RPRD1A: variants seen among roughly 807,000 people sequenced by gnomAD.
The protein encoded by RPRD1A is regulation of nuclear pre-mRNA domain containing 1A, also known as regulation of nuclear pre-mRNA domain-containing protein 1A.
RPRD1A carries 9 observed loss-of-function variants against 37.8 expected under a neutral mutation model. The observed-to-expected ratio is 0.24, with a 90% CI of 0.14 to 0.42. RPRD1A has a LOEUF of 0.42. Among genes scored for constraint, RPRD1A ranks in the 10% least tolerant of loss-of-function variants. The pLI is 1.00. For missense variants in RPRD1A, 255 were observed against 371.0 expected, an observed-to-expected ratio of 0.69 and a Z score of 2.57; for synonymous variants, 138 against 139.7, an observed-to-expected ratio of 0.99 and a Z score of 0.08.
chr18:36,052,067 A>T (rs2144382571), intron 1 of RPRD1A, among the ~76,000 whole-genome samples: 1 of 152,214 alleles, frequency 6.6e-6, no homozygotes, highest in African/African-American at 2.4e-5. Context: ...TCTTGAAAGC[A>T]GCAAGGAGTC....
intron 1 of RPRD1A, among the ~76,000 whole-genome samples, chr18:36,065,244 A>G (rs2089005377): frequency 6.6e-6 from 1 of 152,234 alleles, no homozygotes; most frequent in Admixed American, 6.5e-5. Context: ...AGGTATCTAT[A>G]AACAAAAGAA....
intron 1 of RPRD1A, among the ~76,000 whole-genome samples, chr18:36,058,367 T>C (rs1913938836): frequency 6.6e-6 from 1 of 152,136 alleles, no homozygotes; most frequent in African/African-American, 2.4e-5. Flanking sequence ...CAGAAGAAAC[T>C]TCTACTTGTA....
intron 6 of RPRD1A, among the ~76,000 whole-genome samples, chr18:36,014,853 CATTA>C (rs1481379049): frequency 2.6e-5 from 4 of 152,210 alleles, no homozygotes; most frequent in African/African-American, 9.6e-5. Context: ...TGTTCAATAT[CATTA>C]ATTATTAGGG....
At chr18:36,050,913 AT>A (rs35470275) in intron 1 of RPRD1A, among the ~76,000 whole-genome samples, 21,206 of 138,584 alleles carry the variant, frequency 0.15, 1,599 homozygotes, top group African/African-American at 0.17. Flanking sequence ...GGTAAAACTG[AT>A]TTTTTTTTTT....
intron 1 of RPRD1A, among the ~76,000 whole-genome samples, chr18:36,040,215 G>A (rs1366943579): frequency 6.6e-6 from 1 of 152,118 alleles, no homozygotes; most frequent in African/African-American, 2.4e-5. Context: ...AATTATAAAT[G>A]ATTAAGATCT....
intron 6 of RPRD1A, among the ~76,000 whole-genome samples, chr18:36,022,495 C>T (rs1911060704): frequency 1.3e-5 from 2 of 152,188 alleles, no homozygotes; most frequent in South Asian, 2.1e-4. Flanking sequence ...AAGTAGCTGA[C>T]GACTTTAAGT....
intron 6 of RPRD1A, among the ~76,000 whole-genome samples, chr18:36,015,129 CAT>C (rs1243038502): frequency 1.6e-5 from 2 of 126,860 alleles, no homozygotes; most frequent in East Asian, 4.6e-4. Context: ...TAGGGTCTCA[CAT>C]ACACACACAC....
chr18:36,063,205 G>C (rs537010850), intron 1 of RPRD1A: 1 of 152,188 alleles, frequency 6.6e-6, no homozygotes, highest in Admixed American at 6.5e-5. Flanking sequence ...TGTTTTCTGA[G>C]ACAGGGCCTT....
At chr18:36,008,100 A>G (rs1909867222) in intron 6 of RPRD1A, among the ~76,000 whole-genome samples, 1 of 152,076 alleles carries the variant, frequency 6.6e-6, no homozygotes, top group Non-Finnish European at 1.5e-5. Context: ...AAAACAAAAA[A>G]TAACCTAAAC....
At chr18:36,044,948 A>T (rs1040383417) in intron 1 of RPRD1A, among the ~76,000 whole-genome samples, 5 of 151,848 alleles carry the variant, frequency 3.3e-5, no homozygotes, top group Admixed American at 1.3e-4. Flanking sequence ...GATAACTTTT[A>T]AAAAAAATAG....
intron 4 of RPRD1A, among the ~76,000 whole-genome samples, chr18:36,029,210 T>C (rs1178557307): frequency 6.6e-6 from 1 of 152,192 alleles, no homozygotes; most frequent in Non-Finnish European, 1.5e-5. Context: ...TCCTTCTGCT[T>C]CTCCAGTACT....
intron 6 of RPRD1A, among the ~76,000 whole-genome samples, chr18:36,018,669 T>C (rs1020823767): frequency 7.2e-5 from 11 of 152,212 alleles, no homozygotes; most frequent in Non-Finnish European, 1.5e-4. Flanking sequence ...GGCATGGTAA[T>C]AAATATGAAA....
At chr18:36,065,304 G>A (rs2089007108) in intron 1 of RPRD1A, among the ~76,000 whole-genome samples, 3 of 152,142 alleles carry the variant, frequency 2.0e-5, no homozygotes, top group Admixed American at 1.3e-4. Context: ...TTATTCGTCT[G>A]TACCTTGTTT....
chr18:36,035,593 A>C (rs1421945781), intron 1 of RPRD1A, among the ~76,000 whole-genome samples: 1 of 152,272 alleles, frequency 6.6e-6, no homozygotes, highest in Non-Finnish European at 1.5e-5. Context: ...ACTGAAAAGA[A>C]GAAAAAGATA....
intron 1 of RPRD1A, among the ~76,000 whole-genome samples, chr18:36,057,251 T>C (rs1913854036): frequency 6.7e-6 from 1 of 150,316 alleles, no homozygotes; most frequent in African/African-American, 2.4e-5. Context: ...AACATATATA[T>C]ATATCACACA....
intron 1 of RPRD1A, among the ~76,000 whole-genome samples, chr18:36,055,059 T>C (rs1176010792): frequency 6.6e-6 from 1 of 152,212 alleles, no homozygotes; most frequent in East Asian, 1.9e-4. Flanking sequence ...TATCCAGAAA[T>C]GGCTGGCTGA....
chr18:36,057,127 G>T (rs1334143571), intron 1 of RPRD1A, among the ~76,000 whole-genome samples: 1 of 150,758 alleles, frequency 6.6e-6, no homozygotes, highest in Admixed American at 6.6e-5. Flanking sequence ...CTACTCAGGA[G>T]GATTGATTGA....
Position 36,067,322 on chromosome 18 carries a change from A to T in RPRD1A, c.83T>A (p.Leu28Gln), listed in dbSNP as rs759516825. ...GTGTTTACGGTGGTGAATGAGCCAC[A>T]GGGACAAGGTCTGCACGCTCTGCTG... ...NSQQSVQTLS[L>Q]WLIHHRKHSR... Residue 28 changes from leucine to glutamine, a missense_variant, in exon 1 of 7, where the codon CTG becomes CAG. Leu to Gln is a moderately radical substitution (Grantham distance 113). Around this residue, in one of 2 missense-constraint regions of RPRD1A, gnomAD observed 44 missense variants for 102.1 expected, o/e 0.43. Transcript: ENST00000399022. The T allele has an allele frequency of 6.2e-7, 1 of 1,607,874 alleles. No homozygotes were observed.
chr18:36,065,905 A>AT (rs2089020992), intron 1 of RPRD1A, among the ~76,000 whole-genome samples: 1 of 151,936 alleles, frequency 6.6e-6, no homozygotes, highest in Non-Finnish European at 1.5e-5. Flanking sequence ...TGTAATAGTT[A>AT]TTAAGAGAGT....
Sources: allele counts gnomAD v4.1 joint callset (sites outside exome capture counted in the v4.1 genomes callset), GRCh38; gene constraint gnomAD v4.1.1; regional missense constraint gnomAD v4.1.1; transcripts MANE v1.5; gene names NCBI Gene and HGNC (gene_info 2026-07-23, HGNC 2026-07-21).